CACNA2D3: variants seen among roughly 807,000 people sequenced by gnomAD.
CACNA2D3 encodes voltage-dependent calcium channel subunit alpha-2/delta-3.
A neutral mutation model predicts 160.6 loss-of-function variants in CACNA2D3; 60 were observed. The ratio of observed to expected loss-of-function variants is 0.37; its 90% CI spans 0.30 to 0.46. CACNA2D3 has a LOEUF of 0.46. CACNA2D3 is among the 20% of genes least tolerant of loss of function. The pLI, the probability that CACNA2D3 is intolerant of heterozygous loss-of-function variation, is 1.00. For missense variants in CACNA2D3, 1,205 were observed against 1,365.0 expected, an observed-to-expected ratio of 0.88 and a Z score of 1.85; for synonymous variants, 558 against 492.9, an observed-to-expected ratio of 1.13 and a Z score of -1.75.
chr3:55,026,489 A>G (rs571004545), intron 35 of CACNA2D3, among the ~76,000 whole-genome samples: 7 of 152,320 alleles, frequency 4.6e-5, no homozygotes, highest in African/African-American at 1.4e-4. Context: ...GGTTAGTGCC[A>G]TGATTAGAGA....
intron 13 of CACNA2D3, among the ~76,000 whole-genome samples, chr3:54,806,823 C>A (rs1160548612): frequency 1.3e-5 from 2 of 152,084 alleles, no homozygotes; most frequent in Non-Finnish European, 2.9e-5. Flanking sequence ...GCTACAGTAA[C>A]CAAAACAGCA....
At chr3:54,981,502 G>A (rs1305759538) in intron 29 of CACNA2D3, among the ~76,000 whole-genome samples, 1 of 152,140 alleles carries the variant, frequency 6.6e-6, no homozygotes, top group Non-Finnish European at 1.5e-5. Context: ...GAGCGAGGGG[G>A]AGAGAAAGAA....
intron 12 of CACNA2D3, among the ~76,000 whole-genome samples, chr3:54,758,890 G>C (rs901416040): frequency 6.6e-6 from 1 of 152,148 alleles, no homozygotes; most frequent in African/African-American, 2.4e-5. Context: ...CACTATTTGA[G>C]GTAGACAGCT....
At chr3:54,801,094 C>G (rs1160492768) in intron 13 of CACNA2D3, among the ~76,000 whole-genome samples, 1 of 151,348 alleles carries the variant, frequency 6.6e-6, no homozygotes, top group African/African-American at 2.4e-5. Context: ...TCAACAGATT[C>G]TAACGCCTCA....
chr3:54,436,128 G>C (rs2106783785), intron 4 of CACNA2D3, among the ~76,000 whole-genome samples: 1 of 152,238 alleles, frequency 6.6e-6, no homozygotes, highest in Non-Finnish European at 1.5e-5. Context: ...TCCAGAAGGA[G>C]AGAAGAGAAT....
intron 35 of CACNA2D3, among the ~76,000 whole-genome samples, chr3:55,057,046 C>T (rs1704377663): frequency 6.6e-6 from 1 of 152,124 alleles, no homozygotes; most frequent in African/African-American, 2.4e-5. Flanking sequence ...TTGTAGCTCC[C>T]ATAATTTCCA....
chr3:54,464,056 G>A (rs1700562030), intron 4 of CACNA2D3, among the ~76,000 whole-genome samples: 1 of 152,182 alleles, frequency 6.6e-6, no homozygotes, highest in Non-Finnish European at 1.5e-5. Flanking sequence ...TGTTTGCCTT[G>A]GTACCAGCAG....
intron 2 of CACNA2D3, among the ~76,000 whole-genome samples, chr3:54,283,701 G>A (rs563423764): frequency 6.6e-6 from 1 of 152,224 alleles, no homozygotes; most frequent in African/African-American, 2.4e-5. Flanking sequence ...CCCTTTGTCC[G>A]CTCAAAACCT....
At chr3:54,914,226 T>G (rs1700614257) in intron 27 of CACNA2D3, among the ~76,000 whole-genome samples, 1 of 152,178 alleles carries the variant, frequency 6.6e-6, no homozygotes, top group Admixed American at 6.5e-5. Context: ...CAAATAGGTT[T>G]AATCTCTTAT....
intron 27 of CACNA2D3, among the ~76,000 whole-genome samples, chr3:54,926,656 G>C (rs1193628407): frequency 6.6e-6 from 1 of 152,050 alleles, no homozygotes; most frequent in African/African-American, 2.4e-5. Flanking sequence ...TATCCACATG[G>C]ATACGTGGAA....
chr3:54,860,338 C>T (rs986789514), intron 17 of CACNA2D3, among the ~76,000 whole-genome samples: 1 of 152,070 alleles, frequency 6.6e-6, no homozygotes, highest in African/African-American at 2.4e-5. Flanking sequence ...CTGATTCTTC[C>T]AAATGCCTGC....
intron 4 of CACNA2D3, among the ~76,000 whole-genome samples, chr3:54,394,165 A>G (rs1435174571): frequency 6.6e-6 from 1 of 151,984 alleles, no homozygotes; most frequent in Non-Finnish European, 1.5e-5. Flanking sequence ...CTTCTTCCTC[A>G]GAGAAAGGCC....
At chr3:54,262,931 G>T (rs1702431879) in intron 2 of CACNA2D3, among the ~76,000 whole-genome samples, 1 of 152,122 alleles carries the variant, frequency 6.6e-6, no homozygotes, top group Non-Finnish European at 1.5e-5. Flanking sequence ...TCAGGAATCT[G>T]CTTGCTTATA....
intron 4 of CACNA2D3, among the ~76,000 whole-genome samples, chr3:54,433,807 A>G (rs1700023150): frequency 3.9e-5 from 6 of 152,168 alleles, no homozygotes; most frequent in Admixed American, 3.9e-4. Flanking sequence ...CTCCTAGACA[A>G]AGGACGAGGA....
chr3:54,654,784 A>G (rs986537136), intron 11 of CACNA2D3, among the ~76,000 whole-genome samples: 2 of 152,248 alleles, frequency 1.3e-5, no homozygotes, highest in East Asian at 3.9e-4. Context: ...GCGAGCTACC[A>G]CCTAGGTTAA....
At chr3:54,612,126 GGAAGGAAGTGAGGAAGA>G (rs1348065794) in intron 9 of CACNA2D3, among the ~76,000 whole-genome samples, 4 of 152,180 alleles carry the variant, frequency 2.6e-5, no homozygotes, top group Admixed American at 2.0e-4. Flanking sequence ...AAGAGGAAGA[GGAAGGAAGTGAGGAAGA>G]GAGGGAAGTG....
intron 9 of CACNA2D3, among the ~76,000 whole-genome samples, chr3:54,625,776 C>T (rs1392198722): frequency 6.6e-6 from 1 of 152,156 alleles, no homozygotes; most frequent in African/African-American, 2.4e-5. Context: ...ACTGGGGGCT[C>T]CTACTGCTTC....
intron 27 of CACNA2D3, among the ~76,000 whole-genome samples, chr3:54,911,710 C>G (rs1386555154): frequency 6.6e-6 from 1 of 151,996 alleles, no homozygotes; most frequent in Non-Finnish European, 1.5e-5. Flanking sequence ...TTCTCCCAAC[C>G]TTCACCTCTT....
intron 4 of CACNA2D3, among the ~76,000 whole-genome samples, chr3:54,444,265 T>C (rs537797020): frequency 6.6e-6 from 1 of 152,082 alleles, no homozygotes; most frequent in Non-Finnish European, 1.5e-5. Context: ...CCCAGACACC[T>C]TTTTTTCTAG....
Sources: gnomAD v4.1 joint callset for allele counts (sites outside exome capture counted in the v4.1 genomes callset) on GRCh38, gnomAD v4.1.1 for gene constraint, MANE v1.5 for transcripts, NCBI Gene and HGNC (gene_info 2026-07-23, HGNC 2026-07-21) for gene names.